The following EPB41L3 variants were observed in gnomAD, a reference collection of about 807,000 sequenced individuals.
The protein encoded by EPB41L3 is band 4.1-like protein 3.
A neutral mutation model predicts 127.1 loss-of-function variants in EPB41L3; 57 were observed. The observed-to-expected ratio is 0.45, with a 90% CI of 0.36 to 0.56. The LOEUF is 0.56. Among genes scored for constraint, EPB41L3 ranks in the 20% least tolerant of loss-of-function variants. The pLI is 0.00. For synonymous variants in EPB41L3, 572 were observed against 549.5 expected (o/e 1.04, Z -0.57); for missense variants, 1,273 against 1,372.2 (o/e 0.93, Z 1.14).
At chr18:5,487,124 C>A (rs1219306213) in intron 2 of EPB41L3, among the ~76,000 whole-genome samples, 2 of 152,036 alleles carry the variant, frequency 1.3e-5, no homozygotes, top group Non-Finnish European at 2.9e-5. Flanking sequence ...GTATATACAC[C>A]CAATGAAATA....
intron 2 of EPB41L3, among the ~76,000 whole-genome samples, chr18:5,480,542 G>A (rs7233189): frequency 0.67 from 101,573 of 152,046 alleles, 34,579 homozygotes; most frequent in Middle Eastern, 0.81. Flanking sequence ...TGTTCTAATC[G>A]TTACTATGTA....
intron 3 of EPB41L3, among the ~76,000 whole-genome samples, chr18:5,605,251 A>G (rs901993285): frequency 6.6e-6 from 1 of 152,088 alleles, no homozygotes; most frequent in African/African-American, 2.4e-5. Flanking sequence ...AATGAGCTCA[A>G]TCAACACCTT....
intron 3 of EPB41L3, among the ~76,000 whole-genome samples, chr18:5,578,992 C>T (rs998726268): frequency 6.6e-6 from 1 of 152,078 alleles, no homozygotes; most frequent in South Asian, 2.1e-4. Context: ...ATAGCAAAAT[C>T]GTGAAGACAC....
At chr18:5,489,311 C>T in intron 1 of EPB41L3, 117 bp from the exon 2 acceptor site, 1 of 1,201,300 alleles carries the variant, frequency 8.3e-7, no homozygotes, top group Admixed American at 3.1e-5. Context: ...GAGATGCTAC[C>T]AAACCCCATC....
chr18:5,509,547 G>A (rs1258727686), intron 1 of EPB41L3, among the ~76,000 whole-genome samples: 1 of 152,198 alleles, frequency 6.6e-6, no homozygotes, highest in East Asian at 1.9e-4. Flanking sequence ...CAAAAGGTAA[G>A]TCAGCTAGCC....
intron 1 of EPB41L3, among the ~76,000 whole-genome samples, chr18:5,627,021 G>A (rs2094929854): frequency 6.6e-6 from 1 of 152,142 alleles, no homozygotes; most frequent in Non-Finnish European, 1.5e-5. Flanking sequence ...AGCTCAGAAG[G>A]TGGAACTGGA....
chr18:5,439,596 C>T (rs2080369981), intron 5 of EPB41L3, among the ~76,000 whole-genome samples: 1 of 152,136 alleles, frequency 6.6e-6, no homozygotes, highest in African/African-American at 2.4e-5. Flanking sequence ...AAGGATTTAC[C>T]ATAGGACCAG....
intron 9 of EPB41L3, among the ~76,000 whole-genome samples, chr18:5,425,825 G>T (rs2078098395): frequency 6.6e-6 from 1 of 152,154 alleles, no homozygotes; most frequent in Non-Finnish European, 1.5e-5. Context: ...TTAGGAAGCA[G>T]AAGCCACGAC....
At chr18:5,601,419 C>G (rs62079266) in intron 3 of EPB41L3, among the ~76,000 whole-genome samples, 1 of 152,140 alleles carries the variant, frequency 6.6e-6, no homozygotes, top group African/African-American at 2.4e-5. Flanking sequence ...AAGTTCAGAC[C>G]AGCAGCAAGA....
At chr18:5,591,255 T>A (rs1348307199) in intron 3 of EPB41L3, among the ~76,000 whole-genome samples, 2 of 152,216 alleles carry the variant, frequency 1.3e-5, no homozygotes, top group Non-Finnish European at 2.9e-5. Context: ...TTTGGGCTGC[T>A]ATGACAAAAT....
intron 1 of EPB41L3, among the ~76,000 whole-genome samples, chr18:5,493,406 T>A (rs1278030905): frequency 6.6e-6 from 1 of 152,194 alleles, no homozygotes; most frequent in Non-Finnish European, 1.5e-5. Context: ...CAACCTTTTT[T>A]TCTTTTATAT....
rs540507620 is a variant in EPB41L3 at position 5,577,481 on chromosome 18, A to G, written c.-306+34859T>C. 6.6e-4 allele frequency: 227 copies of G among 342,594 alleles called. 2 individuals carry two copies. Among genetic ancestry groups the G allele is most frequent in the South Asian group, 5.0e-3 (222 of 44,826 alleles). The allele number at this position is 342,594 out of a possible 1,614,324, so 21.2% of individuals were successfully genotyped here. A position where few individuals can be genotyped will look rare whatever the true frequency, so the allele number is the denominator to read the frequency against. ...TGTGAAACACAGAAAGATCCCGGAA[A>G]GGTAAAAGCAATTGCTTTCTATCAC... On this transcript the variant is annotated intron_variant, in intron 3 of 21. Transcript: ENST00000545076.
rs774806973 is a variant in EPB41L3, at chr18:5,428,531, G to A, written c.913-66C>T. 1.7e-4 allele frequency: 262 copies of A among 1,581,264 alleles called. 1 individual carries two copies. Among genetic ancestry groups the A allele is most frequent in the Middle Eastern group, 3.4e-4 (2 of 5,922 alleles). ...TTATTTCCATTTTCTGCTGGGTAAA[G>A]TATTTAAGCATCCACGACAGAAACT... On this transcript the variant is annotated intron_variant, in intron 8 of 22. Transcript: ENST00000341928.
intron 3 of EPB41L3, chr18:5,466,242 CT>C (rs2084957628): frequency 6.6e-6 from 1 of 152,042 alleles, no homozygotes; most frequent in African/African-American, 2.4e-5. Flanking sequence ...AACTTAAAAA[CT>C]TTTTTCAAAC....
chr18:5,397,635 G>A lies in EPB41L3; in HGVS notation c.2473-209C>T, dbSNP rs1020245254. On this transcript the variant is annotated intron_variant, in intron 17 of 22. Transcript: ENST00000341928. This position sits in a 1 kb window ranked among gnomAD's most constrained non-coding sequence, Gnocchi z 4.1. Reference sequence around the variant, plus strand: ...CCCTGGTGCATGCACTTGAACCTGCGCTGCTGCTTCAGGACATCCGCAAAA... The same window carrying A: ...CCCTGGTGCATGCACTTGAACCTGCACTGCTGCTTCAGGACATCCGCAAAA... Among the ~76,000 whole-genome samples, 13 of 152,124 alleles carry A rather than the reference G, an allele frequency of 8.5e-5. No individual in the cohort carries two copies. Among genetic ancestry groups the A allele is most frequent in the Admixed American group, 3.9e-4 (6 of 15,284 alleles).
At position 5,393,543 on chromosome 18, in the gene EPB41L3, G is replaced by C. The variant is rs1007433614; in HGVS notation, c.*7-65C>G. 3 of 692,600 alleles carry C rather than the reference G, an allele frequency of 4.3e-6. No homozygotes were observed. In the Admixed American group the frequency reaches 6.3e-5, roughly 14 times the overall value. The allele number at this position is 692,600 out of a possible 1,614,324, so 42.9% of individuals were successfully genotyped here. On this transcript the variant is annotated intron_variant, in intron 22 of 22. Coordinates refer to ENST00000341928, the MANE Select transcript of EPB41L3 (RefSeq NM_012307.5). Reference sequence around the variant, plus strand: ...AACTGAAAGATTTTCTCAGATCAAGGACACAAAAAAAGTATCCTGGAAGTT... The same window carrying C: ...AACTGAAAGATTTTCTCAGATCAAGCACACAAAAAAAGTATCCTGGAAGTT...
intron 15 of EPB41L3, 127 bp from the exon 16 acceptor site, chr18:5,407,095 G>A (rs1385176122): frequency 1.3e-6 from 1 of 793,306 alleles, no homozygotes; most frequent in East Asian, 2.6e-5. Context: ...TTTTGATCAA[G>A]GCTCATGGCA....
chr18:5,508,771 A>C (rs77592823), intron 1 of EPB41L3, among the ~76,000 whole-genome samples: 1 of 150,168 alleles, frequency 6.7e-6, no homozygotes, highest in Admixed American at 6.6e-5. Context: ...CATCTCAAAA[A>C]AAAAAAAAAA....
intron 16 of EPB41L3, among the ~76,000 whole-genome samples, chr18:5,403,142 A>G (rs890128944): frequency 1.3e-5 from 2 of 152,232 alleles, no homozygotes; most frequent in Non-Finnish European, 2.9e-5. Flanking sequence ...GTCATGGGAA[A>G]GGTCTGTGGA....
Sources: allele counts gnomAD v4.1 joint callset (sites outside exome capture counted in the v4.1 genomes callset), GRCh38; gene constraint gnomAD v4.1.1; non-coding constraint Gnocchi (gnomAD v3.1); transcripts MANE v1.5; gene names NCBI Gene and HGNC (gene_info 2026-07-23, HGNC 2026-07-21).